The following ESRRG variants were observed in gnomAD, a reference collection of about 807,000 sequenced individuals.
ESRRG encodes the protein estrogen-related receptor gamma.
In ESRRG, 13 loss-of-function variants were observed where a neutral mutation model predicts 44.0. The observed-to-expected ratio is 0.30, with a 90% CI of 0.19 to 0.47. The LOEUF (loss-of-function observed/expected upper bound fraction) is 0.47. ESRRG is among the 20% of genes least tolerant of loss of function. The pLI is 1.00. For synonymous variants in ESRRG, 215 were observed against 214.6 expected (o/e 1.00, Z -0.02); for missense variants, 395 against 580.6 (o/e 0.68, Z 3.29).
chr1:216,817,219 A>G lies in ESRRG; in HGVS notation c.-14+122363T>C, dbSNP rs796386995. Among the ~76,000 whole-genome samples the G allele has an allele frequency of 2.9e-4, 44 of 152,294 alleles. 1 individual carries two copies. Among genetic ancestry groups the G allele is most frequent in the African/African-American group, 1.0e-3 (42 of 41,578 alleles). On this transcript the variant is annotated intron_variant, in intron 2 of 7. Transcript: ENST00000359162. Reference sequence around the variant, plus strand: ...ACTCTTCTCCTTTCTACAAATATTGAGAAAAGAGCTACCAGATGCAAATGA... The same window carrying G: ...ACTCTTCTCCTTTCTACAAATATTGGGAAAAGAGCTACCAGATGCAAATGA...
At chr1:216,514,072 A>C (rs2148827102) in intron 6 of ESRRG, among the ~76,000 whole-genome samples, 1 of 152,292 alleles carries the variant, frequency 6.6e-6, no homozygotes, top group South Asian at 2.1e-4. Context: ...GGAAGGCCAA[A>C]GCTATTTGCA....
intron 1 of ESRRG, among the ~76,000 whole-genome samples, chr1:217,076,678 A>T (rs1336876800): frequency 1.3e-5 from 2 of 152,200 alleles, no homozygotes; most frequent in African/African-American, 4.8e-5. Context: ...ATTAATCTGG[A>T]GACAGGGAGA....
chr1:216,758,402 A>G (rs1005125934), intron 2 of ESRRG, among the ~76,000 whole-genome samples: 4 of 152,084 alleles, frequency 2.6e-5, no homozygotes, highest in Non-Finnish European at 5.9e-5. Flanking sequence ...AGAGCCTCAG[A>G]CGTGGTTTGT....
intron 5 of ESRRG, among the ~76,000 whole-genome samples, chr1:216,537,604 C>T (rs2149218444): frequency 6.6e-6 from 1 of 152,100 alleles, no homozygotes; most frequent in African/African-American, 2.4e-5. Context: ...TTTGTGCAAA[C>T]TTTTGCAGCC....
At chr1:217,074,128 A>G (rs1485370078) in intron 1 of ESRRG, among the ~76,000 whole-genome samples, 1 of 150,696 alleles carries the variant, frequency 6.6e-6, no homozygotes, top group African/African-American at 2.4e-5. Flanking sequence ...GCTCACTGCA[A>G]CCTCCACCTC....
intron 1 of ESRRG, among the ~76,000 whole-genome samples, chr1:217,030,730 G>A (rs1288752427): frequency 6.6e-6 from 1 of 152,250 alleles, no homozygotes; most frequent in African/African-American, 2.4e-5. Context: ...GTTGTCCAAT[G>A]TGGTGGCCAC....
chr1:216,986,855 C>T (rs1248423175), intron 1 of ESRRG, among the ~76,000 whole-genome samples: 3 of 152,022 alleles, frequency 2.0e-5, no homozygotes, highest in Admixed American at 6.6e-5. Flanking sequence ...TCCAAAAATT[C>T]GACAACAATC....
intron 3 of ESRRG, among the ~76,000 whole-genome samples, chr1:216,591,517 G>C (rs2057664473): frequency 6.6e-6 from 1 of 152,146 alleles, no homozygotes; most frequent in Non-Finnish European, 1.5e-5. Flanking sequence ...GTTGGTGTTT[G>C]AAAACATTCA....
At chr1:216,857,317 T>C (rs147340132) in intron 2 of ESRRG, among the ~76,000 whole-genome samples, 2 of 150,878 alleles carry the variant, frequency 1.3e-5, no homozygotes, top group East Asian at 3.9e-4. Context: ...AGAAAACAAT[T>C]CTCTGAAGAC....
chr1:217,045,941 A>G (rs1481673489), intron 1 of ESRRG, among the ~76,000 whole-genome samples: 1 of 152,186 alleles, frequency 6.6e-6, no homozygotes, highest in Non-Finnish European at 1.5e-5. Context: ...ATCAAAGTAT[A>G]TAGTTAGTAT....
At chr1:217,016,460 A>G (rs1465723208) in intron 1 of ESRRG, among the ~76,000 whole-genome samples, 1 of 152,140 alleles carries the variant, frequency 6.6e-6, no homozygotes, top group Non-Finnish European at 1.5e-5. Context: ...GAAAAACTGT[A>G]AACTACTCTC....
chr1:216,916,473 T>C (rs750157792), intron 2 of ESRRG, among the ~76,000 whole-genome samples: 28 of 152,306 alleles, frequency 1.8e-4, no homozygotes, highest in Admixed American at 9.2e-4. Flanking sequence ...ATAAAGTCAA[T>C]ACAAACATTT....
chr1:216,605,095 G>A (rs952873919), intron 3 of ESRRG, among the ~76,000 whole-genome samples: 13 of 152,106 alleles, frequency 8.5e-5, no homozygotes, highest in Admixed American at 6.5e-5. Flanking sequence ...GCCAGTAAAC[G>A]TAACCAAGAA....
intron 1 of ESRRG, among the ~76,000 whole-genome samples, chr1:216,683,163 G>A (rs963517476): frequency 2.0e-5 from 3 of 152,098 alleles, no homozygotes; most frequent in African/African-American, 7.2e-5. Flanking sequence ...GCTTAGTTGG[G>A]AAAAGAAGAG....
chr1:216,703,659 ATGTGTGTGTG>A (rs67638063), intron 1 of ESRRG, among the ~76,000 whole-genome samples: 36 of 148,936 alleles, frequency 2.4e-4, no homozygotes, highest in African/African-American at 5.7e-4. Context: ...AGCTGGATAG[ATGTGTGTGTG>A]TGTGTGTGTG....
rs11809870 is a variant in ESRRG at position 216,829,640 on chromosome 1, C to T, written c.-14+109942G>A. Among the ~76,000 whole-genome samples the T allele has an allele frequency of 3.2e-3, 487 of 151,734 alleles. 4 individuals carry two copies. Among genetic ancestry groups the T allele is most frequent in the African/African-American group, 8.6e-3 (356 of 41,328 alleles). ...CGCCATCTTGGCTCACTCCAACCTCCGCCTCCTGGGTTCAAGTGATTCTCC... is the reference window on the plus strand; with the variant it reads ...CGCCATCTTGGCTCACTCCAACCTCTGCCTCCTGGGTTCAAGTGATTCTCC... On this transcript the variant is annotated intron_variant, in intron 2 of 7. Coordinates refer to the ESRRG transcript ENST00000359162.
At chr1:217,010,145 C>T (rs1382010070) in intron 1 of ESRRG, among the ~76,000 whole-genome samples, 1 of 152,050 alleles carries the variant, frequency 6.6e-6, no homozygotes, top group East Asian at 1.9e-4. Flanking sequence ...ATCAGAAGTG[C>T]AGAGATGATC....
At chr1:216,997,758 A>G (rs1236216906) in intron 1 of ESRRG, among the ~76,000 whole-genome samples, 1 of 152,186 alleles carries the variant, frequency 6.6e-6, no homozygotes, top group Non-Finnish European at 1.5e-5. Context: ...ACATTTTATA[A>G]TGAACACTAT....
At chr1:216,623,077 C>CTTTTTTTTTTTT (rs370657704) in intron 3 of ESRRG, among the ~76,000 whole-genome samples, 1 of 88,660 alleles carries the variant, frequency 1.1e-5, no homozygotes, top group Non-Finnish European at 2.0e-5. Flanking sequence ...AATCATTAAA[C>CTTTTTTTTTTTT]TTTTTTTTTT....
Sources: allele counts gnomAD v4.1 joint callset (sites outside exome capture counted in the v4.1 genomes callset), GRCh38; gene constraint gnomAD v4.1.1; transcripts MANE v1.5; gene names NCBI Gene and HGNC (gene_info 2026-07-23, HGNC 2026-07-21).